Variants in PLPPR1 observed in about 807,000 individuals in gnomAD.
PLPPR1 encodes phospholipid phosphatase-related protein type 1.
PLPPR1 carries 10 observed loss-of-function variants against 33.1 expected under a neutral mutation model. The ratio of observed to expected loss-of-function variants is 0.30; its 90% CI spans 0.19 to 0.51. The LOEUF is 0.51. Among genes scored for constraint, PLPPR1 ranks in the 20% least tolerant of loss-of-function variants. PLPPR1 has a pLI of 0.97. For synonymous variants in PLPPR1, 151 were observed against 151.0 expected (o/e 1.00, Z 0.00); for missense variants, 304 against 408.1 (o/e 0.74, Z 2.20).
intron 1 of PLPPR1, among the ~76,000 whole-genome samples, chr9:101,164,574 G>T (rs1179172251): frequency 2.0e-5 from 3 of 151,906 alleles, no homozygotes; most frequent in Non-Finnish European, 4.4e-5. Context: ...TGCCATGTTG[G>T]CTAGACTGGT....
chr9:101,312,749 T>C, intron 5 of PLPPR1, 49 bp from the exon 6 acceptor site: 1 of 1,550,848 alleles, frequency 6.4e-7, no homozygotes, highest in South Asian at 1.1e-5. Context: ...TGTGTACTCA[T>C]AGCACAAGGC....
chr9:101,106,018 C>T (rs1830963664), intron 1 of PLPPR1, among the ~76,000 whole-genome samples: 1 of 150,328 alleles, frequency 6.7e-6, no homozygotes, highest in African/African-American at 2.5e-5. Context: ...CTTCCTCCAT[C>T]CTTTTATTTT....
chr9:101,278,952 C>T lies in PLPPR1; in HGVS notation c.253-7152C>T, dbSNP rs116606279. ...CTGAATGGACTGTTGAAGAGCTTTTCCAGCAAAGCCAATCTGCAAAGACTG... is the reference window on the plus strand; with the variant it reads ...CTGAATGGACTGTTGAAGAGCTTTTTCAGCAAAGCCAATCTGCAAAGACTG... On this transcript the variant is annotated intron_variant, in intron 3 of 7. Transcript: ENST00000374874. Among the ~76,000 whole-genome samples, 865 of 152,296 alleles carry T rather than the reference C, an allele frequency of 5.7e-3. 10 individuals carry two copies. Among genetic ancestry groups the T allele is most frequent in the African/African-American group, 0.019 (809 of 41,572 alleles).
At chr9:101,122,720 C>T (rs1831192723) in intron 1 of PLPPR1, among the ~76,000 whole-genome samples, 1 of 152,156 alleles carries the variant, frequency 6.6e-6, no homozygotes, top group Admixed American at 6.5e-5. Context: ...GAAAAATACT[C>T]TGTTCTAAAT....
At chr9:101,303,132 A>G (rs12352498) in intron 4 of PLPPR1, among the ~76,000 whole-genome samples, 25,672 of 151,096 alleles carry the variant, frequency 0.17, 2,961 homozygotes, top group African/African-American at 0.33. Context: ...GATTACAGGC[A>G]CCCAGCACCA....
intron 1 of PLPPR1, among the ~76,000 whole-genome samples, chr9:101,119,898 A>T (rs1374604233): frequency 1.3e-5 from 2 of 152,120 alleles, no homozygotes; most frequent in Non-Finnish European, 2.9e-5. Context: ...TTCATACTCA[A>T]CTGTGGAGGC....
At chr9:101,131,092 C>T (rs1028204473) in intron 1 of PLPPR1, among the ~76,000 whole-genome samples, 4 of 152,146 alleles carry the variant, frequency 2.6e-5, no homozygotes, top group Non-Finnish European at 5.9e-5. Flanking sequence ...CTTCCCTTCT[C>T]ATTCTGGATG....
At chr9:101,316,856 G>T (rs1829062408) in intron 6 of PLPPR1, among the ~76,000 whole-genome samples, 1 of 152,108 alleles carries the variant, frequency 6.6e-6, no homozygotes, top group African/African-American at 2.4e-5. Flanking sequence ...TTTTTAAGGG[G>T]CAAAATAGTA....
chr9:101,090,529 C>T (rs1830728418), intron 1 of PLPPR1, among the ~76,000 whole-genome samples: 1 of 152,142 alleles, frequency 6.6e-6, no homozygotes, highest in African/African-American at 2.4e-5. Context: ...CCACCCTTGA[C>T]CCACCCCAGT....
intron 1 of PLPPR1, among the ~76,000 whole-genome samples, chr9:101,056,384 T>C (rs1032455272): frequency 2.0e-5 from 3 of 152,174 alleles, no homozygotes; most frequent in Non-Finnish European, 4.4e-5. Flanking sequence ...CTTGAATTGT[T>C]GCAGTTTGGG....
chr9:101,266,598 T>C (rs1319940018), intron 2 of PLPPR1, among the ~76,000 whole-genome samples: 2 of 152,152 alleles, frequency 1.3e-5, no homozygotes, highest in African/African-American at 4.8e-5. Flanking sequence ...CTGTTCTTTA[T>C]GTCCTGCAAA....
chr9:101,089,929 G>C (rs551119850), intron 1 of PLPPR1, among the ~76,000 whole-genome samples: 1 of 152,260 alleles, frequency 6.6e-6, no homozygotes, highest in Admixed American at 6.5e-5. Context: ...TGGTGGATTA[G>C]TACAGCAAAA....
At chr9:101,278,577 G>C (rs1828240156) in intron 3 of PLPPR1, among the ~76,000 whole-genome samples, 1 of 152,140 alleles carries the variant, frequency 6.6e-6, no homozygotes, top group African/African-American at 2.4e-5. Context: ...CATCCACTTG[G>C]GGGAAAGAGA....
At chr9:101,143,682 C>G (rs1253680011) in intron 1 of PLPPR1, among the ~76,000 whole-genome samples, 1 of 152,288 alleles carries the variant, frequency 6.6e-6, no homozygotes, top group East Asian at 1.9e-4. Context: ...TGAAAAAATG[C>G]TCATCATCAC....
chr9:101,115,534 A>G (rs1259035370), intron 1 of PLPPR1, among the ~76,000 whole-genome samples: 3 of 152,240 alleles, frequency 2.0e-5, no homozygotes, highest in African/African-American at 7.2e-5. Context: ...CTTAGGGAAT[A>G]TAAGAGAGGA....
At chr9:101,241,820 C>T (rs995977849) in intron 2 of PLPPR1, among the ~76,000 whole-genome samples, 3 of 152,080 alleles carry the variant, frequency 2.0e-5, no homozygotes, top group African/African-American at 7.2e-5. Context: ...AACGGTTTAT[C>T]GTTACCAAAT....
At chr9:101,073,132 A>G (rs552841948) in intron 1 of PLPPR1, among the ~76,000 whole-genome samples, 2 of 152,232 alleles carry the variant, frequency 1.3e-5, no homozygotes, top group Non-Finnish European at 2.9e-5. Context: ...AGCACAAAGT[A>G]ATAAATCATG....
chr9:101,127,456 A>G (rs575058625), intron 1 of PLPPR1, among the ~76,000 whole-genome samples: 12 of 152,374 alleles, frequency 7.9e-5, no homozygotes, highest in Non-Finnish European at 1.5e-4. Context: ...CAACAAAGAA[A>G]CAGGTGGTGA....
In PLPPR1 at chr9:101,312,979, GT is replaced by G; in HGVS notation, c.813+7del. 6.2e-7 allele frequency: 1 copy of G among 1,613,852 alleles called. No homozygotes were observed. The highest frequency in any genetic ancestry group is 8.5e-7 in the Non-Finnish European group (1 of 1,179,792). On this transcript the variant is annotated splice_donor_region_variant and intron_variant, in intron 6 of 7. Coordinates refer to ENST00000374874, the MANE Select transcript of PLPPR1 (RefSeq NM_207299.2). ...ACTGCAGTGGCCCTGTTTCTGGTAG[GT>G]TGACTTCCCTCTTTTTACCTTTTCC... is the stretch of plus-strand genomic sequence containing the variant.
Sources: gnomAD v4.1 joint callset for allele counts (sites outside exome capture counted in the v4.1 genomes callset) on GRCh38, gnomAD v4.1.1 for gene constraint, MANE v1.5 for transcripts, NCBI Gene and HGNC (gene_info 2026-07-23, HGNC 2026-07-21) for gene names.